Variants in ADAMTSL1 observed in about 807,000 individuals in gnomAD.
ADAMTSL1 encodes ADAMTS-like protein 1.
In ADAMTSL1, 126 loss-of-function variants were observed where a neutral mutation model predicts 201.8. The observed-to-expected ratio is 0.62, with a 90% CI of 0.54 to 0.72. ADAMTSL1 has a LOEUF of 0.72. Ranked by LOEUF, ADAMTSL1 falls within the 30% of genes least tolerant of loss-of-function variation. ADAMTSL1 has a pLI of 0.00. For missense variants in ADAMTSL1, 2,679 were observed against 2,277.8 expected (o/e 1.18, Z -3.59); for synonymous variants, 1,121 against 903.4 (o/e 1.24, Z -4.32).
chr9:18,871,377 A>G (rs1827861932), intron 23 of ADAMTSL1, among the ~76,000 whole-genome samples: 1 of 152,124 alleles, frequency 6.6e-6, no homozygotes, highest in Non-Finnish European at 1.5e-5. Flanking sequence ...TCTCTCTCAA[A>G]TCATTTCTTC....
At chr9:18,107,721 G>T (rs905456130) in intron 1 of ADAMTSL1, among the ~76,000 whole-genome samples, 2 of 152,160 alleles carry the variant, frequency 1.3e-5, no homozygotes, top group African/African-American at 4.8e-5. Flanking sequence ...TGTGTTTTAT[G>T]TGCTGCCTTT....
rs541913639 is a variant in ADAMTSL1 at position 18,901,000 on chromosome 9, TC to T, written c.4852-4779del. Among the ~76,000 whole-genome samples the T allele has an allele frequency of 1.5e-3, 223 of 152,196 alleles. 2 individuals are homozygous for T. The Middle Eastern group carries it at 0.017, about 12-fold the overall frequency. Reference sequence around the variant, plus strand: ...AACAAAAGAGAGTCTGGTGCCTCCCTCCCGTCTCTTACCATGTGACAAGCCA... The same window carrying T: ...AACAAAAGAGAGTCTGGTGCCTCCCTCCGTCTCTTACCATGTGACAAGCCA... On this transcript the variant is annotated intron_variant, in intron 26 of 28. Coordinates refer to ENST00000380548, the MANE Select transcript of ADAMTSL1 (RefSeq NM_001040272.6).
rs1564149034 is a variant in ADAMTSL1 at position 18,684,696 on chromosome 9, T to C, written c.1490-20T>C. 7.5e-6 allele frequency: 12 copies of C among 1,610,686 alleles called. No individual in the cohort carries two copies. Among genetic ancestry groups the C allele is most frequent in the Non-Finnish European group, 1.0e-5 (12 of 1,178,688 alleles). On this transcript the variant is annotated intron_variant, in intron 12 of 28. Transcript: ENST00000380548. Reference sequence around the variant, plus strand: ...TGGTTCTAACCTCTTCTTTTGTATGTGCATGCACTGAATTCTCAGAGAAAC... The same window carrying C: ...TGGTTCTAACCTCTTCTTTTGTATGCGCATGCACTGAATTCTCAGAGAAAC...
intron 15 of ADAMTSL1, among the ~76,000 whole-genome samples, chr9:18,734,647 A>T (rs2133502882): frequency 6.6e-6 from 1 of 152,342 alleles, no homozygotes; most frequent in African/African-American, 2.4e-5. Context: ...CCAGTGTCTT[A>T]TGGAAACACA....
chr9:18,500,734 G>C (rs1297200596), intron 1 of ADAMTSL1, among the ~76,000 whole-genome samples: 1 of 152,090 alleles, frequency 6.6e-6, no homozygotes, highest in Non-Finnish European at 1.5e-5. Flanking sequence ...TAATAAGAAA[G>C]GGTTTTATAA....
At chr9:18,004,026 A>C (rs1220063252) in intron 1 of ADAMTSL1, among the ~76,000 whole-genome samples, 9 of 152,086 alleles carry the variant, frequency 5.9e-5, no homozygotes, top group Non-Finnish European at 1.2e-4. Context: ...GCACCTAAAA[A>C]GAAAATATTT....
chr9:18,886,404 G>GA (rs1015224110), intron 23 of ADAMTSL1, among the ~76,000 whole-genome samples: 6 of 151,708 alleles, frequency 4.0e-5, no homozygotes, highest in African/African-American at 7.2e-5. Flanking sequence ...TGAAACATTA[G>GA]AAAAAATCCC....
intron 23 of ADAMTSL1, among the ~76,000 whole-genome samples, chr9:18,832,734 G>C (rs1825066526): frequency 1.3e-5 from 2 of 152,192 alleles, no homozygotes; most frequent in Non-Finnish European, 2.9e-5. Flanking sequence ...CCTGGTGGTA[G>C]TTGATATATA....
At chr9:18,626,388 G>A (rs1472720600) in intron 5 of ADAMTSL1, among the ~76,000 whole-genome samples, 1 of 152,170 alleles carries the variant, frequency 6.6e-6, no homozygotes, top group Non-Finnish European at 1.5e-5. Flanking sequence ...AGGATCTAAG[G>A]GAAGTGAAAA....
intron 15 of ADAMTSL1, among the ~76,000 whole-genome samples, chr9:18,746,891 A>G (rs1374425128): frequency 6.6e-6 from 1 of 152,076 alleles, no homozygotes; most frequent in Non-Finnish European, 1.5e-5. Context: ...GGCTGCCTTT[A>G]CAAAAAACTA....
At chr9:18,010,058 C>G (rs928346680) in intron 1 of ADAMTSL1, among the ~76,000 whole-genome samples, 1 of 152,022 alleles carries the variant, frequency 6.6e-6, no homozygotes, top group Non-Finnish European at 1.5e-5. Context: ...CATCCCACAA[C>G]TGATACTGTG....
intron 2 of ADAMTSL1, among the ~76,000 whole-genome samples, chr9:18,524,654 G>T (rs907730100): frequency 1.1e-4 from 17 of 152,180 alleles, no homozygotes; most frequent in African/African-American, 3.9e-4. Flanking sequence ...GCATGAAGGG[G>T]TGTTGAATTT....
At chr9:18,125,111 A>C (rs955512675) in intron 1 of ADAMTSL1, among the ~76,000 whole-genome samples, 1 of 152,192 alleles carries the variant, frequency 6.6e-6, no homozygotes, top group African/African-American at 2.4e-5. Context: ...AAGACTGAGC[A>C]ATTTACAAGA....
chr9:18,353,540 T>C (rs1836071524), intron 2 of ADAMTSL1, among the ~76,000 whole-genome samples: 1 of 152,216 alleles, frequency 6.6e-6, no homozygotes, highest in South Asian at 2.1e-4. Context: ...GTCATAAAGC[T>C]ATAATTTATC....
chr9:18,530,957 G>C (rs554910076), intron 2 of ADAMTSL1, among the ~76,000 whole-genome samples: 3 of 152,130 alleles, frequency 2.0e-5, no homozygotes, highest in African/African-American at 4.8e-5. Context: ...GTCTAGATGG[G>C]ATGCTACCAA....
intron 1 of ADAMTSL1, among the ~76,000 whole-genome samples, chr9:18,034,235 A>T (rs914511659): frequency 6.6e-6 from 1 of 152,100 alleles, no homozygotes; most frequent in Non-Finnish European, 1.5e-5. Flanking sequence ...GCTAGCCTTC[A>T]TTTCCCACCA....
chr9:18,735,877 C>A (rs1450964560), intron 15 of ADAMTSL1, among the ~76,000 whole-genome samples: 1 of 140,948 alleles, frequency 7.1e-6, no homozygotes, highest in African/African-American at 2.6e-5. Context: ...GATGCACTTA[C>A]TGGGGAAATT....
intron 2 of ADAMTSL1, among the ~76,000 whole-genome samples, chr9:18,238,821 C>A (rs1830948734): frequency 6.6e-6 from 1 of 152,090 alleles, no homozygotes; most frequent in African/African-American, 2.4e-5. Context: ...AGATAGTTAA[C>A]TTTTTTGTAA....
chr9:17,967,471 A>G (rs1818022798), intron 1 of ADAMTSL1, among the ~76,000 whole-genome samples: 1 of 152,142 alleles, frequency 6.6e-6, no homozygotes, highest in Non-Finnish European at 1.5e-5. Flanking sequence ...ACATTCATTG[A>G]GCAGCTACTG....
Sources: allele counts gnomAD v4.1 joint callset (sites outside exome capture counted in the v4.1 genomes callset), GRCh38; gene constraint gnomAD v4.1.1; transcripts MANE v1.5; gene names NCBI Gene and HGNC (gene_info 2026-07-23, HGNC 2026-07-21).